Variants in ASTN2 observed in about 807,000 individuals in gnomAD.
ASTN2 encodes astrotactin 2.
In ASTN2, 54 loss-of-function variants were observed where a neutral mutation model predicts 139.8. That is an observed-to-expected ratio of 0.39 (90% CI 0.31 to 0.48). ASTN2 has a LOEUF of 0.48. Among genes scored for constraint, ASTN2 ranks in the 20% least tolerant of loss-of-function variants. ASTN2 has a pLI of 0.95. For synonymous variants in ASTN2, 756 were observed against 719.5 expected (o/e 1.05, Z -0.81); for missense variants, 1,565 against 1,725.1 (o/e 0.91, Z 1.64).
rs1004786706 is a variant in ASTN2 at position 116,475,135 on chromosome 9, T to C, written c.3497+12224A>G. On this transcript the variant is annotated intron_variant, in intron 20 of 22. Transcript: ENST00000313400. Reference sequence around the variant, plus strand: ...TACAAAATTGGTTTATTTGGCCAATTTTAAATTGGTTGCCAGCATGTAATA... The same window carrying C: ...TACAAAATTGGTTTATTTGGCCAATCTTAAATTGGTTGCCAGCATGTAATA... 2.6e-5 allele frequency among the ~76,000 whole-genome samples: 4 copies of C among 152,170 alleles called. No individual in the cohort carries two copies. The East Asian group carries it at 7.7e-4, about 29-fold the overall frequency.
chr9:116,765,925 C>G (rs937425583), intron 13 of ASTN2, among the ~76,000 whole-genome samples: 2 of 152,264 alleles, frequency 1.3e-5, no homozygotes, highest in East Asian at 3.9e-4. Context: ...TCTACAGAAA[C>G]ATATGCTAAT....
chr9:117,257,345 T>C (rs560572114), intron 2 of ASTN2, among the ~76,000 whole-genome samples: 14 of 152,320 alleles, frequency 9.2e-5, no homozygotes, highest in African/African-American at 3.1e-4. Flanking sequence ...AGATTCATGA[T>C]CCAGCGCTAG....
chr9:116,955,743 C>T (rs973524485), intron 10 of ASTN2, among the ~76,000 whole-genome samples: 1 of 152,174 alleles, frequency 6.6e-6, no homozygotes, highest in Non-Finnish European at 1.5e-5. Flanking sequence ...ATTTTCTCTT[C>T]TATAAAATGG....
In ASTN2 at chr9:116,434,558, T is replaced by C. The variant is rs188776581; in HGVS notation, c.3782+6051A>G. Among the ~76,000 whole-genome samples the C allele has an allele frequency of 1.0e-3, 159 of 152,344 alleles. 4 individuals carry two copies. In the South Asian group the frequency reaches 0.027, roughly 26 times the overall value. ...AGGCAAGAGGAGCTGACATCATAAATACACCATTCCTGGTCCAGATAGATC... is the reference window on the plus strand; with the variant it reads ...AGGCAAGAGGAGCTGACATCATAAACACACCATTCCTGGTCCAGATAGATC... On this transcript the variant is annotated intron_variant, in intron 22 of 22. Transcript: ENST00000313400.
intron 2 of ASTN2, among the ~76,000 whole-genome samples, chr9:117,247,427 C>A (rs1191814354): frequency 6.6e-6 from 1 of 152,140 alleles, no homozygotes; most frequent in East Asian, 1.9e-4. Context: ...GATTCTGATT[C>A]TGGGAGTGGT....
chr9:116,610,176 T>C (rs529798398), intron 19 of ASTN2, among the ~76,000 whole-genome samples: 25 of 152,238 alleles, frequency 1.6e-4, no homozygotes, highest in African/African-American at 6.0e-4. Flanking sequence ...ACATTAAATA[T>C]AAATGGTCTA....
intron 1 of ASTN2, among the ~76,000 whole-genome samples, chr9:117,332,298 TG>T (rs1462463374): frequency 6.6e-6 from 1 of 152,146 alleles, no homozygotes; most frequent in Non-Finnish European, 1.5e-5. Flanking sequence ...TGGCTGGGTG[TG>T]GTGGCTCATG....
At chr9:116,579,062 A>G (rs958543871) in intron 19 of ASTN2, 2 of 152,048 alleles carry the variant, frequency 1.3e-5, no homozygotes, top group Non-Finnish European at 2.9e-5. Context: ...GAAAAAAAAA[A>G]GGTAAGGCAC....
At chr9:116,612,908 C>A (rs977239779) in intron 19 of ASTN2, 2 of 148,684 alleles carry the variant, frequency 1.3e-5, no homozygotes, top group Non-Finnish European at 3.0e-5. Flanking sequence ...AAAAAAAAAC[C>A]CTTCAAAAAA....
At chr9:117,027,888 A>G (rs1838135276) in intron 6 of ASTN2, among the ~76,000 whole-genome samples, 1 of 152,098 alleles carries the variant, frequency 6.6e-6, no homozygotes, top group Non-Finnish European at 1.5e-5. Flanking sequence ...TTTCACCCTC[A>G]CCACCACCCT....
chr9:117,112,491 T>C (rs1330109433), intron 4 of ASTN2, among the ~76,000 whole-genome samples: 4 of 152,126 alleles, frequency 2.6e-5, no homozygotes, highest in Non-Finnish European at 5.9e-5. Context: ...ATACAATTGA[T>C]TTTTGATGTA....
chr9:116,883,745 C>A (rs1263387927), intron 10 of ASTN2, among the ~76,000 whole-genome samples: 6 of 152,176 alleles, frequency 3.9e-5, no homozygotes, highest in Non-Finnish European at 7.3e-5. Context: ...GAAGGTAGGC[C>A]TACTTGGATT....
intron 19 of ASTN2, among the ~76,000 whole-genome samples, chr9:116,534,861 T>C (rs1212480296): frequency 6.6e-6 from 1 of 152,238 alleles, no homozygotes; most frequent in Non-Finnish European, 1.5e-5. Context: ...GAGAGTTTTG[T>C]AGATGTCTAT....
intron 19 of ASTN2, among the ~76,000 whole-genome samples, chr9:116,590,721 C>G (rs1227999255): frequency 6.6e-6 from 1 of 152,148 alleles, no homozygotes; most frequent in Non-Finnish European, 1.5e-5. Flanking sequence ...AATCAGTATA[C>G]AGTTCCTCCT....
intron 13 of ASTN2, among the ~76,000 whole-genome samples, chr9:116,748,925 G>A (rs1375478663): frequency 6.6e-6 from 1 of 152,148 alleles, no homozygotes; most frequent in African/African-American, 2.4e-5. Context: ...CTAAGAGAAA[G>A]TTCTCAAGAT....
rs147971994 is a variant in ASTN2 at position 117,050,786 on chromosome 9, C to T, written c.1277-10821G>A. Among the ~76,000 whole-genome samples, 496 of 152,266 alleles carry T rather than the reference C, an allele frequency of 3.3e-3. 2 individuals carry two copies. The highest frequency in any genetic ancestry group is 0.012 in the African/African-American group (481 of 41,552). ...ACATCTCTGTGCTCCCTCCTCCTCA[C>T]CTCTTTTTCCTGACAGTGACACTGT... On this transcript the variant is annotated intron_variant, in intron 5 of 22. Coordinates refer to ENST00000313400, the MANE Select transcript of ASTN2 (RefSeq NM_001365068.1).
rs184948198 is a variant in ASTN2, at chr9:116,445,374, G to T, written c.3498-2821C>A. ...TTTAAAAAATGCTTTCTTGGAGTTA[G>T]AAGAGACGTATTTCAACCAAGGGAA... is the stretch of plus-strand genomic sequence containing the variant. On this transcript the variant is annotated intron_variant, in intron 20 of 22. Transcript: ENST00000313400. Among the ~76,000 whole-genome samples, 4 of 152,342 alleles carry T rather than the reference G, an allele frequency of 2.6e-5. No homozygotes were observed. In the East Asian group the frequency reaches 7.7e-4, roughly 29 times the overall value.
intron 1 of ASTN2, among the ~76,000 whole-genome samples, chr9:117,298,571 T>G (rs1834790570): frequency 6.6e-6 from 1 of 151,770 alleles, no homozygotes; most frequent in Non-Finnish European, 1.5e-5. Flanking sequence ...TCTTGATACT[T>G]AGACAGCACT....
intron 3 of ASTN2, among the ~76,000 whole-genome samples, chr9:117,184,655 G>T (rs899284301): frequency 6.6e-6 from 1 of 152,126 alleles, no homozygotes; most frequent in Non-Finnish European, 1.5e-5. Flanking sequence ...TCTTTTCCTG[G>T]TTTTTCTAAT....
Sources: allele counts gnomAD v4.1 joint callset (sites outside exome capture counted in the v4.1 genomes callset), GRCh38; gene constraint gnomAD v4.1.1; transcripts MANE v1.5; gene names NCBI Gene and HGNC (gene_info 2026-07-23, HGNC 2026-07-21).